CABIN1: variants seen among roughly 807,000 people sequenced by gnomAD.
CABIN1 encodes calcineurin binding protein 1.
A neutral mutation model predicts 227.7 loss-of-function variants in CABIN1; 133 were observed. That is an observed-to-expected ratio of 0.58 (90% confidence interval 0.51 to 0.67). The LOEUF (loss-of-function observed/expected upper bound fraction) is 0.67. CABIN1 is among the 30% of genes least tolerant of loss of function. The pLI is 0.00. For missense variants in CABIN1, 2,408 were observed against 2,852.5 expected (o/e 0.84, Z 3.55); for synonymous variants, 1,086 against 1,155.1 (o/e 0.94, Z 1.21).
intron 17 of CABIN1, among the ~76,000 whole-genome samples, chr22:24,071,462 T>C (rs1055836757): frequency 6.6e-6 from 1 of 152,242 alleles, no homozygotes; most frequent in African/African-American, 2.4e-5. Flanking sequence ...AGGAAGTCTT[T>C]AAGGCAGAGA....
intron 32 of CABIN1, among the ~76,000 whole-genome samples, chr22:24,167,623 A>C (rs1277779095): frequency 6.6e-6 from 1 of 152,226 alleles, no homozygotes; most frequent in East Asian, 1.9e-4. Context: ...TGTGGCTGTC[A>C]TCTAAAGATG....
chr22:24,177,524 C>A lies in CABIN1; in HGVS notation c.6226C>A (p.Pro2076Thr). 1 of 1,543,122 alleles carries A rather than the reference C, an allele frequency of 6.5e-7. No homozygotes were observed. Among genetic ancestry groups the A allele is most frequent in the South Asian group, 1.2e-5 (1 of 81,768 alleles). The change falls in exon 36 of 37, where the codon CCG becomes ACG. Residue 2076 changes from proline to threonine, a missense_variant. Coordinates refer to ENST00000263119, the MANE Select transcript of CABIN1 (RefSeq NM_012295.4). This position sits in a 1 kb window ranked among gnomAD's most constrained non-coding sequence, Gnocchi z 4.4. ...CSQEGKLRPE[P>T]RRDGEAQEAA... Reference sequence around the variant, plus strand: ...TCCAGAGGGGAAACTGAGGCCTGAGCCGAGAAGGGATGGGGAGGCTCAGGA... The same window carrying A: ...TCCAGAGGGGAAACTGAGGCCTGAGACGAGAAGGGATGGGGAGGCTCAGGA...
At chr22:24,169,994 C>T (rs1262503430) in intron 33 of CABIN1, 2 of 384,130 alleles carry the variant, frequency 5.2e-6, no homozygotes, top group East Asian at 7.7e-5. Context: ...GCCAGGGGAC[C>T]CAGGTCCTTA....
Position 24,166,983 on chromosome 22 carries a change from C to T in CABIN1, c.5352C>T (p.Pro1784=), listed in dbSNP as rs35966225. ...CACCACCCCTGCTGCCAGGTCGCCC[C>T]GCAAGGGACCGGGGCCCCGAGAGCC... ...ERTPPLLPGR[P]ARDRGPESRP... The change falls in exon 32 of 37, where the codon CCC becomes CCT. Residue 1784 remains proline, a synonymous_variant. Coordinates refer to ENST00000263119, the MANE Select transcript of CABIN1 (RefSeq NM_012295.4). The T allele has an allele frequency of 3.8e-6, 6 of 1,577,128 alleles. No homozygotes were observed. The highest frequency in any genetic ancestry group is 1.2e-5 in the South Asian group (1 of 86,772).
chr22:24,024,363 G>C (rs557387749), intron 1 of CABIN1, among the ~76,000 whole-genome samples: 3 of 152,102 alleles, frequency 2.0e-5, no homozygotes, highest in Non-Finnish European at 4.4e-5. Flanking sequence ...ATGCTTAAGA[G>C]GCTATTGCCA....
At position 24,171,804 on chromosome 22, in the gene CABIN1, C is replaced by T; in HGVS notation, c.5849C>T (p.Pro1950Leu). 6.2e-7 allele frequency: 1 copy of T among 1,614,180 alleles called. No homozygotes were observed. Among genetic ancestry groups the T allele is most frequent in the Non-Finnish European group, 8.5e-7 (1 of 1,180,048 alleles). Residue 1950 changes from proline to leucine, a missense_variant, in exon 34 of 37, where the codon CCT becomes CTT. Physicochemically the swap from Pro to Leu is moderately conservative, Grantham distance 98. Around this residue, in one of 3 missense-constraint regions of CABIN1, gnomAD observed 714 missense variants for 773.8 expected, o/e 0.92. Coordinates refer to ENST00000263119, the MANE Select transcript of CABIN1 (RefSeq NM_012295.4). Reference protein sequence around the residue: ...PVTVVPTAPDPVPADSVQRPS... With the variant: ...PVTVVPTAPDLVPADSVQRPS... ...ACAGTGGTGCCCACAGCCCCTGACC[C>T]TGTGCCAGCTGACTCTGTCCAGCGG...
rs776869229 is a variant in CABIN1, at chr22:24,098,074, C to T, written c.3999C>T (p.Pro1333=). 6.8e-6 allele frequency: 11 copies of T among 1,614,030 alleles called. No individual in the cohort carries two copies. Among genetic ancestry groups the T allele is most frequent in the South Asian group, 1.1e-5 (1 of 91,072 alleles). Reference sequence around the variant, plus strand: ...CTTCAGCTGGGACACTGCCGGGCCCCGGAGCCTCCCTCCCCTCCTCCTCTG... The same window carrying T: ...CTTCAGCTGGGACACTGCCGGGCCCTGGAGCCTCCCTCCCCTCCTCCTCTG... ...SHSSAGTLPG[P]GASLPSSSGP... The change falls in exon 26 of 37, where the codon CCC becomes CCT. Residue 1333 remains proline (P), a synonymous_variant. Coordinates refer to ENST00000263119, the MANE Select transcript of CABIN1 (RefSeq NM_012295.4).
At chr22:24,087,210 C>T (rs970628865) in intron 22 of CABIN1, among the ~76,000 whole-genome samples, 2 of 152,142 alleles carry the variant, frequency 1.3e-5, no homozygotes, top group Non-Finnish European at 2.9e-5. Flanking sequence ...CTCATAATGC[C>T]CACAGCTCTT....
Position 24,046,955 on chromosome 22 carries a change from G to A in CABIN1, c.527-2136G>A, listed in dbSNP as rs924845883. Among the ~76,000 whole-genome samples the A allele has an allele frequency of 5.3e-5, 8 of 152,136 alleles. 1 individual carries two copies. The highest frequency in any genetic ancestry group is 8.8e-5 in the Non-Finnish European group (6 of 68,032). On this transcript the variant is annotated intron_variant, in intron 6 of 36. Coordinates refer to ENST00000263119, the MANE Select transcript of CABIN1 (RefSeq NM_012295.4). The stretch of plus-strand genomic sequence containing the variant: ...GTCAGGCAGAAAAATTCTCTTATGC[G>A]GGGGAAGGTCAGCCTTTTTGTTCTG...
chr22:24,016,247 A>G (rs948895370), intron 1 of CABIN1, among the ~76,000 whole-genome samples: 1 of 152,208 alleles, frequency 6.6e-6, no homozygotes, highest in African/African-American at 2.4e-5. Context: ...GGATCATACA[A>G]TATGTGGTAT....
At chr22:24,166,300 C>A (rs1307068623) in intron 31 of CABIN1, among the ~76,000 whole-genome samples, 2 of 152,208 alleles carry the variant, frequency 1.3e-5, no homozygotes, top group Non-Finnish European at 2.9e-5. Context: ...GAGTTCACGT[C>A]ATGGAGTCAA....
chr22:24,072,641 G>T, intron 18 of CABIN1, 131 bp downstream of exon 18: 1 of 1,120,004 alleles, frequency 8.9e-7, no homozygotes, highest in Non-Finnish European at 1.3e-6. Context: ...CCAGGATTTT[G>T]CATGCGCTTG....
At chr22:24,083,872 A>G (rs546528514) in intron 20 of CABIN1, among the ~76,000 whole-genome samples, 1 of 152,304 alleles carries the variant, frequency 6.6e-6, no homozygotes, top group South Asian at 2.1e-4. Flanking sequence ...GAGGTTTTCC[A>G]TTTTTGTGTT....
intron 9 of CABIN1, 152 bp downstream of exon 9, chr22:24,055,311 A>G: frequency 1.1e-6 from 1 of 894,628 alleles, no homozygotes; most frequent in Non-Finnish European, 1.7e-6. Flanking sequence ...GCCCTAGAGG[A>G]GCCTCTCAGC....
At chr22:24,161,865 G>T (rs1213915505) in intron 29 of CABIN1, among the ~76,000 whole-genome samples, 1 of 152,016 alleles carries the variant, frequency 6.6e-6, no homozygotes, top group Non-Finnish European at 1.5e-5. Flanking sequence ...GCTGTCCCTT[G>T]TACCTGTCCC....
intron 1 of CABIN1, among the ~76,000 whole-genome samples, chr22:24,031,842 G>A (rs1028114351): frequency 5.9e-5 from 9 of 152,202 alleles, no homozygotes; most frequent in African/African-American, 2.2e-4. Flanking sequence ...GCCATGGGCT[G>A]TCGGCCTGCC....
At chr22:24,037,703 T>A (rs2037028200) in intron 3 of CABIN1, among the ~76,000 whole-genome samples, 1 of 152,148 alleles carries the variant, frequency 6.6e-6, no homozygotes, top group Non-Finnish European at 1.5e-5. Flanking sequence ...ATATACCAAC[T>A]GGGTGTCCTA....
rs971427130 is a variant in CABIN1 at position 24,056,359 on chromosome 22, A to T, written c.1261A>T (p.Arg421Trp). 4.3e-6 allele frequency: 7 copies of T among 1,613,794 alleles called. No individual in the cohort carries two copies. The highest frequency in any genetic ancestry group is 1.7e-5 in the Admixed American group (1 of 59,994). The part of the protein sequence containing the change: ...QELLMKFLPS[R>W]LRKLDPEEED... ...GCTTCTGATGAAGTTCTTGCCGTCC[A>T]GGTACTGTGTATTTTTTCTGATTGT... The change falls in exon 10 of 37, where the codon AGG becomes TGG. Residue 421 changes from arginine (R) to tryptophan (W), a missense_variant and splice_region_variant. Coordinates refer to ENST00000263119, the MANE Select transcript of CABIN1 (RefSeq NM_012295.4).
intron 1 of CABIN1, among the ~76,000 whole-genome samples, chr22:24,016,171 C>G (rs1476674895): frequency 6.6e-6 from 1 of 152,200 alleles, no homozygotes; most frequent in Admixed American, 6.5e-5. Flanking sequence ...TCCCCCAGCT[C>G]TAGGCAACCA....
Sources: gnomAD v4.1 joint callset for allele counts (sites outside exome capture counted in the v4.1 genomes callset) on GRCh38, gnomAD v4.1.1 for gene constraint, gnomAD v4.1.1 regional missense constraint, Gnocchi (gnomAD v3.1) non-coding constraint, MANE v1.5 for transcripts, NCBI Gene and HGNC (gene_info 2026-07-23, HGNC 2026-07-21) for gene names.